The following IGFBP7 variants were observed in gnomAD, a reference collection of about 807,000 sequenced individuals.
The protein encoded by IGFBP7 is insulin like growth factor binding protein 7, also known as insulin-like growth factor-binding protein 7.
IGFBP7 carries 31 observed loss-of-function variants against 29.4 expected under a neutral mutation model. The observed-to-expected ratio is 1.05, with a 90% confidence interval of 0.79 to 1.42. IGFBP7 has a LOEUF of 1.42. IGFBP7 is among the 40% of genes most tolerant of loss of function. The probability of loss-of-function intolerance (pLI) is 0.00; values close to 1 mark genes in which losing one functional copy is unlikely to be tolerated. For missense variants in IGFBP7, 393 were observed against 395.5 expected (o/e 0.99, Z 0.05); for synonymous variants, 172 against 174.9 (o/e 0.98, Z 0.13).
At chr4:57,089,368 C>T (rs1217031685) in intron 1 of IGFBP7, among the ~76,000 whole-genome samples, 1 of 152,114 alleles carries the variant, frequency 6.6e-6, no homozygotes, top group Non-Finnish European at 1.5e-5. Context: ...GGCAGGAACC[C>T]TCAATTCTGG....
At chr4:57,084,193 A>G (rs1447083796) in intron 1 of IGFBP7, among the ~76,000 whole-genome samples, 1 of 152,212 alleles carries the variant, frequency 6.6e-6, no homozygotes, top group African/African-American at 2.4e-5. Context: ...ATTTTGTCTC[A>G]ATTATCAATG....
chr4:57,101,262 C>T (rs1725889674), intron 1 of IGFBP7, among the ~76,000 whole-genome samples: 1 of 152,202 alleles, frequency 6.6e-6, no homozygotes, highest in African/African-American at 2.4e-5. Flanking sequence ...GTCGGGTTGG[C>T]CTTGGCCTTG....
chr4:57,050,839 T>C (rs971764521), intron 1 of IGFBP7, among the ~76,000 whole-genome samples: 14 of 152,114 alleles, frequency 9.2e-5, no homozygotes, highest in African/African-American at 2.9e-4. Flanking sequence ...GTTACAGGCA[T>C]GAGCCACTGT....
intron 1 of IGFBP7, among the ~76,000 whole-genome samples, chr4:57,050,245 GT>G (rs10547708): frequency 0.25 from 34,005 of 136,896 alleles, 3,812 homozygotes; most frequent in East Asian, 0.45. Context: ...TTTTATTTAA[GT>G]TTTTTTTTTT....
At chr4:57,088,052 T>A (rs1725538488) in intron 1 of IGFBP7, among the ~76,000 whole-genome samples, 1 of 152,194 alleles carries the variant, frequency 6.6e-6, no homozygotes, top group East Asian at 1.9e-4. Flanking sequence ...CACTGCAGCC[T>A]CAAATTCCTA....
intron 3 of IGFBP7, among the ~76,000 whole-genome samples, chr4:57,032,877 G>A (rs1723973792): frequency 1.3e-5 from 2 of 152,236 alleles, no homozygotes. Flanking sequence ...CCAGGGTCAA[G>A]TAAAATAAGG....
intron 1 of IGFBP7, among the ~76,000 whole-genome samples, chr4:57,066,494 A>G (rs1023776389): frequency 6.6e-6 from 1 of 152,192 alleles, no homozygotes. Flanking sequence ...AATATTTATT[A>G]TTATTTTAGG....
At chr4:57,084,875 C>G (rs1038464533) in intron 1 of IGFBP7, among the ~76,000 whole-genome samples, 8 of 143,944 alleles carry the variant, frequency 5.6e-5, no homozygotes, top group African/African-American at 2.0e-4. Flanking sequence ...ACTGCAACCT[C>G]AGACTCCTGG....
In IGFBP7 at chr4:57,040,826, T is replaced by C; in HGVS notation, c.583A>G (p.Lys195Glu). The change falls in exon 2 of 5, where the codon AAG (lysine) becomes GAG (glutamate). Residue 195 changes from lysine (K) to glutamate (E), a missense_variant and splice_region_variant. Physicochemically the swap from Lys to Glu is moderately conservative, Grantham distance 56 (BLOSUM62 1). Coordinates refer to ENST00000295666, the MANE Select transcript of IGFBP7 (RefSeq NM_001553.3). ...GIPTPVLIWN[K>E]VKRGHYGVQR... ...CTCTTAAAGTCTGTGCCACAGACCT[T>C]GTTCCAGATGAGGACAGGTGTCGGG... 1 of 1,603,570 alleles carries C rather than the reference T, an allele frequency of 6.2e-7. No individual in the cohort carries two copies. The highest frequency in any genetic ancestry group is 8.5e-7 in the Non-Finnish European group (1 of 1,170,364).
intron 1 of IGFBP7, among the ~76,000 whole-genome samples, chr4:57,069,526 T>C (rs1725007597): frequency 6.6e-6 from 1 of 152,138 alleles, no homozygotes; most frequent in Admixed American, 6.5e-5. Flanking sequence ...TGTCCTTCTG[T>C]GGTGGCACCT....
At chr4:57,036,491 T>C (rs1312643085) in intron 2 of IGFBP7, among the ~76,000 whole-genome samples, 3 of 152,188 alleles carry the variant, frequency 2.0e-5, no homozygotes, top group Non-Finnish European at 4.4e-5. Flanking sequence ...CAGAAACAAA[T>C]ATTGGGAAGG....
chr4:57,085,066 G>A lies in IGFBP7; in HGVS notation c.475+24811C>T, dbSNP rs762398862. 3.6e-4 allele frequency among the ~76,000 whole-genome samples: 55 copies of A among 152,138 alleles called. No homozygotes were observed. In the Middle Eastern group the frequency reaches 0.017, roughly 47 times the overall value. ...GGATTCCCAAAGTGCTGGGATTACA[G>A]ATGTGAGCCACTGCACCTGGCCTAG... On this transcript the variant is annotated intron_variant, in intron 1 of 4. Transcript: ENST00000295666.
rs550897612 is a variant in IGFBP7 at position 57,072,850 on chromosome 4, C to T, written c.476-31917G>A. ...GGTATAAGCTCTCCCTAGAGCTCCC[C>T]AGGGGCTACCCTTACAATGTACCCA... On this transcript the variant is annotated intron_variant, in intron 1 of 4. Transcript: ENST00000295666. 4.9e-4 allele frequency: 302 copies of T among 617,904 alleles called. 9 individuals are homozygous for T. Among genetic ancestry groups the T allele is most frequent in the South Asian group, 3.6e-3 (260 of 72,286 alleles). 38.3% of individuals were successfully genotyped at this position (617,904 alleles called of 1,614,324 possible).
chr4:57,084,788 G>GTTTTTTTTT (rs57704332), intron 1 of IGFBP7, among the ~76,000 whole-genome samples: 4,905 of 112,762 alleles, frequency 0.043, 404 homozygotes, highest in Non-Finnish European at 0.064. Flanking sequence ...TTTAAAAAAG[G>GTTTTTTTTT]TTTTTTTTTT....
chr4:57,038,882 C>T (rs7692969), intron 2 of IGFBP7, among the ~76,000 whole-genome samples: 64,645 of 151,466 alleles, frequency 0.43, 14,342 homozygotes, highest in South Asian at 0.54. Context: ...GCCTGACCAA[C>T]ATGGAGAAAC....
At chr4:57,087,903 T>C (rs1725534913) in intron 1 of IGFBP7, among the ~76,000 whole-genome samples, 1 of 43,360 alleles carries the variant, frequency 2.3e-5, no homozygotes. Flanking sequence ...TGGTGGCTTA[T>C]GCCTGTAATC....
At chr4:57,041,107 C>T (rs569502226) in intron 1 of IGFBP7, among the ~76,000 whole-genome samples, 174 bp from the exon 2 acceptor site, 26 of 152,286 alleles carry the variant, frequency 1.7e-4, no homozygotes, top group African/African-American at 5.1e-4. Context: ...ATTTTAAGGT[C>T]CACTTTGGGA....
rs142297825 is a variant in IGFBP7 at position 57,071,037 on chromosome 4, G to T, written c.476-30104C>A. On this transcript the variant is annotated intron_variant, in intron 1 of 4. Coordinates refer to ENST00000295666, the MANE Select transcript of IGFBP7 (RefSeq NM_001553.3). ...TTCTGCTCTGAACACACCTGGCCCT[G>T]CAAGTTACTGAAGTCCCGAGGGTCC... is the stretch of plus-strand genomic sequence containing the variant. Among the ~76,000 whole-genome samples the T allele has an allele frequency of 7.0e-3, 1,067 of 152,286 alleles. 14 individuals carry two copies. The highest frequency in any genetic ancestry group is 0.024 in the African/African-American group (1,015 of 41,562).
intron 1 of IGFBP7, among the ~76,000 whole-genome samples, chr4:57,066,181 C>A (rs1022694684): frequency 5.9e-5 from 9 of 152,184 alleles, no homozygotes; most frequent in Non-Finnish European, 8.8e-5. Flanking sequence ...TGGTGACGCA[C>A]TTGAATAAAA....
Sources: allele counts gnomAD v4.1 joint callset (sites outside exome capture counted in the v4.1 genomes callset), GRCh38; gene constraint gnomAD v4.1.1; transcripts MANE v1.5; gene names NCBI Gene and HGNC (gene_info 2026-07-23, HGNC 2026-07-21).